Variants in RIMS1 observed in about 807,000 individuals in gnomAD.
RIMS1 encodes the protein regulating synaptic membrane exocytosis protein 1.
In RIMS1, 83 loss-of-function variants were observed where a neutral mutation model predicts 214.1. The observed-to-expected ratio is 0.39, with a 90% CI of 0.32 to 0.47. The LOEUF (loss-of-function observed/expected upper bound fraction) is 0.47. Among genes scored for constraint, RIMS1 ranks in the 20% least tolerant of loss-of-function variants. The pLI is 0.99. For missense variants in RIMS1, 2,050 were observed against 2,161.8 expected (o/e 0.95, Z 1.03); for synonymous variants, 793 against 786.8 (o/e 1.01, Z -0.13).
chr6:72,144,730 T>C (rs2042505911), intron 4 of RIMS1, among the ~76,000 whole-genome samples: 1 of 152,174 alleles, frequency 6.6e-6, no homozygotes, highest in Admixed American at 6.5e-5. Context: ...TTTTTTACAT[T>C]ACCCATCCCT....
chr6:72,275,740 A>T (rs2086034198), intron 23 of RIMS1, among the ~76,000 whole-genome samples: 1 of 152,238 alleles, frequency 6.6e-6, no homozygotes, highest in South Asian at 2.1e-4. Flanking sequence ...TCAAAAAAGA[A>T]TATAAAATAA....
At chr6:72,233,664 C>A in intron 6 of RIMS1, 109 bp from the exon 7 acceptor site, 1 of 826,546 alleles carries the variant, frequency 1.2e-6, no homozygotes, top group Non-Finnish European at 2.0e-6. Flanking sequence ...GATGTACACG[C>A]TCAAGCTTAT....
At chr6:72,262,216 T>G (rs1379798269) in intron 19 of RIMS1, 1 of 788,872 alleles carries the variant, frequency 1.3e-6, no homozygotes, top group Non-Finnish European at 1.5e-6. Context: ...TAAAATATTA[T>G]ATACTTATAT....
At chr6:72,373,815 G>A (rs182902526) in intron 29 of RIMS1, among the ~76,000 whole-genome samples, 68 of 151,976 alleles carry the variant, frequency 4.5e-4, no homozygotes, top group Non-Finnish European at 8.1e-4. Context: ...TTCTTCACCA[G>A]TATACTTTTT....
chr6:72,109,021 G>A (rs1283453208), intron 4 of RIMS1, among the ~76,000 whole-genome samples: 1 of 151,866 alleles, frequency 6.6e-6, no homozygotes, highest in Non-Finnish European at 1.5e-5. Context: ...CCCTACAAAG[G>A]ACATGAACTC....
At chr6:72,135,625 A>G (rs528429535) in intron 4 of RIMS1, among the ~76,000 whole-genome samples, 1 of 152,236 alleles carries the variant, frequency 6.6e-6, no homozygotes, top group African/African-American at 2.4e-5. Context: ...TGATATCCAA[A>G]ACTGACGTGG....
intron 1 of RIMS1, among the ~76,000 whole-genome samples, chr6:71,960,837 A>T (rs1275708755): frequency 6.6e-6 from 1 of 152,058 alleles, no homozygotes; most frequent in Non-Finnish European, 1.5e-5. Context: ...AGTCTGCCCT[A>T]CCCAGGCCTA....
intron 1 of RIMS1, among the ~76,000 whole-genome samples, chr6:71,915,237 T>C (rs576968129): frequency 1.2e-4 from 18 of 152,164 alleles, no homozygotes; most frequent in African/African-American, 4.1e-4. Flanking sequence ...ATATGTTTTC[T>C]TTATTTTCCA....
At chr6:72,134,866 A>C (rs530491888) in intron 4 of RIMS1, among the ~76,000 whole-genome samples, 1 of 152,284 alleles carries the variant, frequency 6.6e-6, no homozygotes, top group African/African-American at 2.4e-5. Context: ...AATACCAGTA[A>C]GGGTCACAGA....
chr6:72,003,372 G>A (rs1806029535), intron 2 of RIMS1, among the ~76,000 whole-genome samples: 1 of 152,018 alleles, frequency 6.6e-6, no homozygotes, highest in Admixed American at 6.6e-5. Context: ...GATCATGACT[G>A]TCTTACTCAC....
At chr6:72,073,181 G>C (rs1830982131) in intron 2 of RIMS1, among the ~76,000 whole-genome samples, 1 of 152,006 alleles carries the variant, frequency 6.6e-6, no homozygotes, top group South Asian at 2.1e-4. Context: ...GCCATTTTTA[G>C]GGGGTTTTGT....
intron 2 of RIMS1, among the ~76,000 whole-genome samples, chr6:72,056,500 A>G (rs1826217770): frequency 6.6e-6 from 1 of 152,244 alleles, no homozygotes; most frequent in African/African-American, 2.4e-5. Context: ...TATTATGCAT[A>G]ACTGAAGTTG....
intron 19 of RIMS1, chr6:72,261,563 A>C (rs1022711471): frequency 2.1e-6 from 2 of 943,892 alleles, no homozygotes; most frequent in East Asian, 1.2e-4. Flanking sequence ...ATGAATATAG[A>C]AGTTAAGGAA....
At chr6:72,187,289 T>C (rs1250225309) in intron 6 of RIMS1, among the ~76,000 whole-genome samples, 5 of 152,160 alleles carry the variant, frequency 3.3e-5, no homozygotes, top group Non-Finnish European at 2.9e-5. Flanking sequence ...TCAGCTCACC[T>C]TCCAATGACT....
At chr6:72,028,547 A>T (rs546969936) in intron 2 of RIMS1, among the ~76,000 whole-genome samples, 1 of 152,310 alleles carries the variant, frequency 6.6e-6, no homozygotes, top group East Asian at 1.9e-4. Context: ...CATTTTCAAC[A>T]TGATGGAAAA....
At position 72,353,139 on chromosome 6, in the gene RIMS1, C is replaced by G. The variant is rs182638472; in HGVS notation, c.4366+19304C>G. Among the ~76,000 whole-genome samples, 772 of 151,874 alleles carry G rather than the reference C, an allele frequency of 5.1e-3. 5 individuals carry two copies. The highest frequency in any genetic ancestry group is 0.017 in the African/African-American group (711 of 41,412). ...AGCTGGGATTACAGGCACCCACTACCACGCTCAGCTAGTTTTTTTATTTTT... is the reference window on the plus strand; with the variant it reads ...AGCTGGGATTACAGGCACCCACTACGACGCTCAGCTAGTTTTTTTATTTTT... On this transcript the variant is annotated intron_variant, in intron 29 of 33. Coordinates refer to ENST00000521978, the MANE Select transcript of RIMS1 (RefSeq NM_014989.7).
intron 29 of RIMS1, among the ~76,000 whole-genome samples, chr6:72,338,343 G>T (rs2154350412): frequency 6.6e-6 from 1 of 152,154 alleles, no homozygotes; most frequent in African/African-American, 2.4e-5. Flanking sequence ...GATGGCCAGT[G>T]ATGGTGAGCA....
chr6:72,138,534 T>G (rs1562404435), intron 4 of RIMS1, among the ~76,000 whole-genome samples: 1 of 152,126 alleles, frequency 6.6e-6, no homozygotes, highest in Non-Finnish European at 1.5e-5. Flanking sequence ...TACGTTTGTA[T>G]GAACAGGAGA....
In RIMS1 at chr6:72,259,050, C is replaced by G; in HGVS notation, c.2992C>G (p.Arg998Gly). ...TCCAACCAGACACCATGATGCCTCC[C>G]GAAGTCCAGTTGATCATAGAACCAG... Reference protein sequence around the residue: ...RSPTRHHDASRSPVDHRTRDV... With the variant: ...RSPTRHHDASGSPVDHRTRDV... Residue 998 changes from arginine to glycine, a missense_variant, in exon 18 of 34, where the codon CGA (arginine) becomes GGA (glycine). Around this residue, in one of 6 missense-constraint regions of RIMS1, gnomAD observed 889 missense variants for 885.5 expected, o/e 1.00. Coordinates refer to ENST00000521978, the MANE Select transcript of RIMS1 (RefSeq NM_014989.7). 1 of 1,611,894 alleles carries G rather than the reference C, an allele frequency of 6.2e-7. No individual in the cohort carries two copies. The highest frequency in any genetic ancestry group is 8.5e-7 in the Non-Finnish European group (1 of 1,178,300).
Sources: allele counts gnomAD v4.1 joint callset (sites outside exome capture counted in the v4.1 genomes callset), GRCh38; gene constraint gnomAD v4.1.1; regional missense constraint gnomAD v4.1.1; transcripts MANE v1.5; gene names NCBI Gene and HGNC (gene_info 2026-07-23, HGNC 2026-07-21).